Variants in WFDC9 observed in about 807,000 individuals in gnomAD.
WFDC9 encodes the protein protein WFDC9.
In WFDC9, 9 loss-of-function variants were observed where a neutral mutation model predicts 9.5. That is an observed-to-expected ratio of 0.95 (90% confidence interval 0.57 to 1.65). The LOEUF is 1.65. Among genes scored for constraint, WFDC9 ranks in the 40% most tolerant of loss-of-function variants. The pLI is 0.00. For synonymous variants in WFDC9, 33 were observed against 32.3 expected (o/e 1.02, Z -0.07); for missense variants, 87 against 106.7 (o/e 0.82, Z 0.81).
intron 1 of WFDC9, among the ~76,000 whole-genome samples, chr20:45,629,223 G>T (rs1982295100): frequency 6.6e-6 from 1 of 152,050 alleles, no homozygotes; most frequent in Non-Finnish European, 1.5e-5. Flanking sequence ...AGAAATCAAA[G>T]ATTTATAAAT....
chr20:45,617,490 T>A, intron 1 of WFDC9, among the ~76,000 whole-genome samples: 1 of 152,146 alleles, frequency 6.6e-6, no homozygotes, highest in Non-Finnish European at 1.5e-5. Flanking sequence ...TGTATAACTT[T>A]TGACTTCTCA....
chr20:45,623,310 G>C (rs1159238548), intron 1 of WFDC9, among the ~76,000 whole-genome samples: 2 of 152,122 alleles, frequency 1.3e-5, no homozygotes, highest in Non-Finnish European at 2.9e-5. Context: ...ATTCTTTTCT[G>C]TTTGTGCAGA....
intron 1 of WFDC9, chr20:45,629,999 C>T (rs1982318389): frequency 6.7e-7 from 1 of 1,501,842 alleles, no homozygotes; most frequent in Non-Finnish European, 9.0e-7. Context: ...GTTGGAAACT[C>T]TCTGCATATC....
chr20:45,615,960 G>A (rs77797264), intron 1 of WFDC9, among the ~76,000 whole-genome samples: 303 of 135,126 alleles, frequency 2.2e-3, no homozygotes, highest in South Asian at 3.2e-3. Context: ...TCTTTTTGCT[G>A]GTGGAGGGTC....
At chr20:45,628,629 T>C (rs771196656) in intron 1 of WFDC9, among the ~76,000 whole-genome samples, 46 of 152,104 alleles carry the variant, frequency 3.0e-4, no homozygotes, top group Non-Finnish European at 1.8e-4. Context: ...CTGTAAACTA[T>C]AGGTACAAAT....
intron 1 of WFDC9, among the ~76,000 whole-genome samples, chr20:45,625,106 G>A (rs925332337): frequency 6.6e-6 from 1 of 152,142 alleles, no homozygotes; most frequent in Non-Finnish European, 1.5e-5. Flanking sequence ...CACATGGCTG[G>A]GGAGGCCTCA....
chr20:45,614,661 A>G lies in WFDC9; in HGVS notation c.-92T>C, dbSNP rs1450468576. 2.0e-5 allele frequency: 3 copies of G among 152,210 alleles called. No individual in the cohort carries two copies. Among genetic ancestry groups the G allele is most frequent in the African/African-American group, 7.2e-5 (3 of 41,446 alleles). 9.4% of individuals were successfully genotyped at this position (152,210 alleles called of 1,614,324 possible). On this transcript the variant is annotated 5_prime_UTR_variant, in exon 2 of 5. Transcript: ENST00000326000. ...GTGTCTGCATTGAGTGTCTGTAGTA[A>G]CTGGCTGACAGCTCTTTTGTCTGGC...
intron 1 of WFDC9, among the ~76,000 whole-genome samples, chr20:45,622,725 T>C (rs1982128600): frequency 6.6e-6 from 1 of 152,146 alleles, no homozygotes; most frequent in Non-Finnish European, 1.5e-5. Flanking sequence ...AAATAAATGA[T>C]GCCAATATCT....
At chr20:45,630,950 C>T (rs1314989558) in intron 1 of WFDC9, 9 of 1,612,178 alleles carry the variant, frequency 5.6e-6, no homozygotes, top group Middle Eastern at 1.6e-4. Flanking sequence ...TGAATCTCAC[C>T]GAGATTGTCA....
chr20:45,622,067 G>C (rs1405081799), intron 1 of WFDC9, among the ~76,000 whole-genome samples: 1 of 148,812 alleles, frequency 6.7e-6, no homozygotes, highest in South Asian at 2.1e-4. Flanking sequence ...TTCAAAAAGG[G>C]TCTTTGTGTG....
At chr20:45,625,143 G>A (rs4812941) in intron 1 of WFDC9, among the ~76,000 whole-genome samples, 2,125 of 152,236 alleles carry the variant, frequency 0.014, 89 homozygotes, top group Admixed American at 0.098. Flanking sequence ...GTCAGAAGGC[G>A]AAGGGGAAGC....
At chr20:45,613,571 A>C (rs573809240) in intron 2 of WFDC9, among the ~76,000 whole-genome samples, 26 of 152,356 alleles carry the variant, frequency 1.7e-4, no homozygotes, top group African/African-American at 5.8e-4. Context: ...AACTTCATCA[A>C]GTCATGCTTA....
chr20:45,609,378 TATC>T (rs983368844), intron 3 of WFDC9, among the ~76,000 whole-genome samples: 4 of 152,000 alleles, frequency 2.6e-5, no homozygotes, highest in Admixed American at 2.6e-4. Context: ...TAATTTTTTG[TATC>T]TTAATAGAGA....
chr20:45,623,275 G>T lies in WFDC9; in HGVS notation c.-153+7928C>A, dbSNP rs148583002. ...TGGATGTTGTTGCATCTTTATTTCA[G>T]ATGGCACATCAAGCAACTCCTCTTA... On this transcript the variant is annotated intron_variant, in intron 1 of 4. Transcript: ENST00000326000. 5.9e-5 allele frequency among the ~76,000 whole-genome samples: 9 copies of T among 152,272 alleles called. No homozygotes were observed. The East Asian group carries it at 1.7e-3, about 29-fold the overall frequency.
intron 1 of WFDC9, among the ~76,000 whole-genome samples, chr20:45,620,259 T>G (rs1020481109): frequency 6.6e-6 from 1 of 152,174 alleles, no homozygotes; most frequent in Non-Finnish European, 1.5e-5. Flanking sequence ...CATTTGGAAT[T>G]TTTTAGGCTT....
At position 45,631,225 on chromosome 20, in the gene WFDC9, G is replaced by A. The variant is rs1399389934; in HGVS notation, c.-175C>T. 1 of 443,196 alleles carries A rather than the reference G, an allele frequency of 2.3e-6. No homozygotes were observed. The highest frequency in any genetic ancestry group is 3.8e-6 in the Non-Finnish European group (1 of 265,430). The allele number at this position is 443,196 out of a possible 1,614,324, so 27.5% of individuals were successfully genotyped here. A position where few individuals can be genotyped will look rare whatever the true frequency, so the allele number is the denominator to read the frequency against. ...TACCTCTTTTGCTGCCACTACAGAT[G>A]ATCATTGAGAGCTCACTGTGGCCCC... On this transcript the variant is annotated 5_prime_UTR_variant, in exon 1 of 5. Coordinates refer to ENST00000326000, the MANE Select transcript of WFDC9 (RefSeq NM_147198.4).
chr20:45,617,668 T>G (rs1982002520), intron 1 of WFDC9, among the ~76,000 whole-genome samples: 2 of 152,124 alleles, frequency 1.3e-5, no homozygotes. Context: ...AATATTCTTT[T>G]TATTGAGATG....
chr20:45,625,274 C>T (rs953626417), intron 1 of WFDC9, among the ~76,000 whole-genome samples: 1 of 152,154 alleles, frequency 6.6e-6, no homozygotes, highest in Non-Finnish European at 1.5e-5. Flanking sequence ...GGAAACTGCC[C>T]TTACGATCCA....
chr20:45,610,157 C>G lies in WFDC9; in HGVS notation c.25G>C (p.Val9Leu), dbSNP rs370373417. The change falls in exon 3 of 5, where the codon GTC (valine) becomes CTC (leucine). Residue 9 changes from valine (V) to leucine (L), a missense_variant. Physicochemically the swap from Val to Leu is conservative, Grantham distance 32 (BLOSUM62 1). Transcript: ENST00000326000. MKPWILLLVMFISGVVMLL... is the reference protein window; with the variant it reads MKPWILLLLMFISGVVMLL... ...ATCACAACTCCAGAGATGAACATGACGAGTAGAAGAATCCAGGGCTTCATG... is the reference window on the plus strand; with the variant it reads ...ATCACAACTCCAGAGATGAACATGAGGAGTAGAAGAATCCAGGGCTTCATG... 2.5e-6 allele frequency: 4 copies of G among 1,613,944 alleles called. No homozygotes were observed. The highest frequency in any genetic ancestry group is 1.6e-4 in the Middle Eastern group (1 of 6,082).
Sources: allele counts gnomAD v4.1 joint callset (sites outside exome capture counted in the v4.1 genomes callset), GRCh38; gene constraint gnomAD v4.1.1; transcripts MANE v1.5; gene names NCBI Gene and HGNC (gene_info 2026-07-23, HGNC 2026-07-21).